EPS15L1: variants seen among roughly 807,000 people sequenced by gnomAD.
EPS15L1 encodes the protein epidermal growth factor receptor substrate 15-like 1.
In EPS15L1, 43 loss-of-function variants were observed where a neutral mutation model predicts 117.1. The ratio of observed to expected loss-of-function variants is 0.37; its 90% CI spans 0.29 to 0.47. EPS15L1 has a LOEUF of 0.47. Ranked by LOEUF, EPS15L1 falls within the 20% of genes least tolerant of loss-of-function variation. The pLI is 0.99. For synonymous variants in EPS15L1, 459 were observed against 470.5 expected, an observed-to-expected ratio of 0.98 and a Z score of 0.32; for missense variants, 981 against 1,164.0, an observed-to-expected ratio of 0.84 and a Z score of 2.29.
intron 16 of EPS15L1, among the ~76,000 whole-genome samples, chr19:16,398,451 G>A (rs998620988): frequency 3.9e-5 from 6 of 152,156 alleles, no homozygotes; most frequent in African/African-American, 9.7e-5. Flanking sequence ...CCCAGCAAGC[G>A]TCTGATGGGG....
At chr19:16,395,270 AGT>A in intron 17 of EPS15L1, 72 bp downstream of exon 17, 1 of 1,402,196 alleles carries the variant, frequency 7.1e-7, no homozygotes, top group Non-Finnish European at 9.8e-7. Context: ...TTACTTTTCT[AGT>A]TGAAGAACCA....
intron 4 of EPS15L1, among the ~76,000 whole-genome samples, chr19:16,439,825 A>T (rs1033139989): frequency 2.6e-5 from 4 of 152,208 alleles, no homozygotes; most frequent in Non-Finnish European, 2.9e-5. Context: ...GGTCCCTTCT[A>T]ACAAAATGGC....
At position 16,413,374 on chromosome 19, in the gene EPS15L1, G is replaced by C. The variant is rs767198544; in HGVS notation, c.1266+399C>G. ...ATCAATGACTGCTACACCTCAGCCAGGGGCTGCACTGCCATCCTGGGCAAC... is the reference window on the plus strand; with the variant it reads ...ATCAATGACTGCTACACCTCAGCCACGGGCTGCACTGCCATCCTGGGCAAC... On this transcript the variant is annotated intron_variant, in intron 13 of 23. Transcript: ENST00000455140. The C allele has an allele frequency of 1.3e-5, 9 of 692,798 alleles. No individual in the cohort carries two copies. In the East Asian group the frequency reaches 2.3e-4, roughly 17 times the overall value. The allele number at this position is 692,798 out of a possible 1,614,324, so 42.9% of individuals were successfully genotyped here. A position where few individuals can be genotyped will look rare whatever the true frequency, so the allele number is the denominator to read the frequency against.
At chr19:16,374,883 G>A (rs960405168) in intron 22 of EPS15L1, among the ~76,000 whole-genome samples, 1 of 152,254 alleles carries the variant, frequency 6.6e-6, no homozygotes, top group Non-Finnish European at 1.5e-5. Context: ...GTGTGTGCAC[G>A]TTTGCATGCA....
Position 16,441,995 on chromosome 19 carries a change from C to A in EPS15L1, c.76-14G>T, listed in dbSNP as rs779610987. ...TGCCGGATCGACCTGAAATGGGAGA[C>A]CAAGAGGCAAAATAACTTTTCAGCA... On this transcript the variant is annotated splice_polypyrimidine_tract_variant and intron_variant, in intron 2 of 23. Transcript: ENST00000455140. 1 of 1,605,554 alleles carries A rather than the reference C, an allele frequency of 6.2e-7. No homozygotes were observed. The highest frequency in any genetic ancestry group is 1.7e-5 in the Admixed American group (1 of 58,248).
rs1200095077 is a variant in EPS15L1 at position 16,365,884 on chromosome 19, T to G, written c.2381-3900A>C. 6.6e-6 allele frequency among the ~76,000 whole-genome samples: 1 copy of G among 152,198 alleles called. No homozygotes were observed. The highest frequency in any genetic ancestry group is 1.5e-5 in the Non-Finnish European group (1 of 68,030). On this transcript the variant is annotated intron_variant, in intron 22 of 23. Coordinates refer to ENST00000455140, the MANE Select transcript of EPS15L1 (RefSeq NM_001258374.3). The surrounding 1 kb of genome is among the most constrained non-coding windows in gnomAD (Gnocchi z 4.9). ...CCCAGGGCTCGGCACACAGTGGGCT[T>G]CAGGAGGTCCTGGTGAACCAGGTGC...
rs2092854536 is a variant in EPS15L1 at position 16,424,953 on chromosome 19, A to T, written c.792+130T>A. 4.6e-6 allele frequency: 4 copies of T among 860,712 alleles called. No individual in the cohort carries two copies. The Admixed American group carries it at 8.0e-5, about 17-fold the overall frequency. The allele number at this position is 860,712 out of a possible 1,614,324, so 53.3% of individuals were successfully genotyped here. On this transcript the variant is annotated intron_variant, in intron 9 of 23. Transcript: ENST00000455140. ...TGGGATTACAGGCGTGAGCCACCGC[A>T]CCTGGCCACAAGCATTTTTTAAAGA...
At position 16,442,324 on chromosome 19, in the gene EPS15L1, T is replaced by TA. The variant is rs1281809702; in HGVS notation, c.34-106dup. The stretch of plus-strand genomic sequence containing the variant: ...CATGACCAAAATATATGATGATAGT[T>TA]AGAGTCAAAATGCATGCACTTTAAA... On this transcript the variant is annotated intron_variant, in intron 1 of 23. Transcript: ENST00000455140. 1.9e-5 allele frequency: 15 copies of TA among 808,732 alleles called. No homozygotes were observed. In the South Asian group the frequency reaches 2.0e-4, roughly 11 times the overall value. The allele number at this position is 808,732 out of a possible 1,614,324, so 50.1% of individuals were successfully genotyped here. A position where few individuals can be genotyped will look rare whatever the true frequency, so the allele number is the denominator to read the frequency against.
intron 1 of EPS15L1, among the ~76,000 whole-genome samples, chr19:16,452,222 G>T (rs1436909898): frequency 6.7e-6 from 1 of 149,400 alleles, no homozygotes; most frequent in Non-Finnish European, 1.5e-5. Flanking sequence ...GAGGTGGGTA[G>T]ATCACCTGAG....
In EPS15L1 at chr19:16,405,540, C is replaced by T. The variant is rs564226545; in HGVS notation, c.1267-791G>A. ...ATACAGCGTGTGCAGAGGTATACAA[C>T]GTCTATGACAGCAAAATCCGTAAAC... On this transcript the variant is annotated intron_variant, in intron 13 of 23. Transcript: ENST00000455140. This position sits in a 1 kb window ranked among gnomAD's most constrained non-coding sequence, Gnocchi z 4.0. Among the ~76,000 whole-genome samples, 85 of 152,328 alleles carry T rather than the reference C, an allele frequency of 5.6e-4. No homozygotes were observed. Among genetic ancestry groups the T allele is most frequent in the Non-Finnish European group, 1.1e-3 (75 of 68,030 alleles).
In EPS15L1 at chr19:16,471,701, C is replaced by A. The variant is rs1484393373; in HGVS notation, c.33+212G>T. Among the ~76,000 whole-genome samples, 5 of 151,930 alleles carry A rather than the reference C, an allele frequency of 3.3e-5. No individual in the cohort carries two copies. Among genetic ancestry groups the A allele is most frequent in the African/African-American group, 9.7e-5 (4 of 41,422 alleles). The stretch of plus-strand genomic sequence containing the variant: ...ACACGCGCTGCGCACCTCCTCGCCT[C>A]GCCGGTGCCCGCGAGGGTCGCTCGG... On this transcript the variant is annotated intron_variant, in intron 1 of 23. Transcript: ENST00000455140. The surrounding 1 kb of genome is among the most constrained non-coding windows in gnomAD (Gnocchi z 4.8).
chr19:16,462,370 G>T (rs1342661960), intron 1 of EPS15L1, among the ~76,000 whole-genome samples: 1 of 152,146 alleles, frequency 6.6e-6, no homozygotes, highest in Admixed American at 6.6e-5. Flanking sequence ...CAGAATCAGG[G>T]AAGTGGGGGG....
intron 21 of EPS15L1, 34 bp downstream of exon 21, chr19:16,385,094 AG>A: frequency 1.3e-6 from 2 of 1,554,802 alleles, no homozygotes; most frequent in East Asian, 4.5e-5. Flanking sequence ...CAAAGACACT[AG>A]CAGAGGCGCG....
At chr19:16,445,050 G>A (rs2145095577) in intron 1 of EPS15L1, among the ~76,000 whole-genome samples, 1 of 152,292 alleles carries the variant, frequency 6.6e-6, no homozygotes. Flanking sequence ...CTCATGGGAA[G>A]CAAGGGAAAG....
At chr19:16,437,684 T>C in intron 5 of EPS15L1, 86 bp downstream of exon 5, 5 of 889,352 alleles carry the variant, frequency 5.6e-6, no homozygotes, top group Non-Finnish European at 9.2e-6. Context: ...AACATGGAAA[T>C]ATACATGCAC....
rs1389903624 is a variant in EPS15L1, at chr19:16,383,568, G to A, written c.2247+1561C>T. The A allele has an allele frequency of 6.6e-6, 1 of 152,364 alleles. No homozygotes were observed. Among genetic ancestry groups the A allele is most frequent in the Non-Finnish European group, 1.5e-5 (1 of 68,128 alleles). 9.4% of individuals were successfully genotyped at this position (152,364 alleles called of 1,614,324 possible). A position where few individuals can be genotyped will look rare whatever the true frequency, so the allele number is the denominator to read the frequency against. ...GTCACAGCGTGGCATATGAGGGATG[G>A]AGGCCTTCTCCGTGTGCTGGAAGGA... is the stretch of plus-strand genomic sequence containing the variant. On this transcript the variant is annotated intron_variant, in intron 21 of 23. Transcript: ENST00000455140. The surrounding 1 kb of genome is among the most constrained non-coding windows in gnomAD (Gnocchi z 5.2).
chr19:16,385,281 A>G, intron 20 of EPS15L1, 70 bp from the exon 21 acceptor site: 6 of 1,284,034 alleles, frequency 4.7e-6, no homozygotes, highest in Non-Finnish European at 6.8e-6. Context: ...GTGGAGGGGA[A>G]ATGCTAGATG....
chr19:16,408,999 A>AT lies in EPS15L1; in HGVS notation c.1267-4251dup, dbSNP rs200099671. 4.3e-4 allele frequency among the ~76,000 whole-genome samples: 66 copies of AT among 152,260 alleles called. No homozygotes were observed. In the East Asian group the frequency reaches 8.7e-3, roughly 20 times the overall value. ...CACTTTGAGAGGCCAGAGTGGGAAG[A>AT]TCCCTAGAGGCCAGGTGTTTGAGAT... On this transcript the variant is annotated intron_variant, in intron 13 of 23. Transcript: ENST00000455140.
At chr19:16,410,353 C>T (rs907284407) in intron 13 of EPS15L1, among the ~76,000 whole-genome samples, 24 of 152,090 alleles carry the variant, frequency 1.6e-4, no homozygotes, top group African/African-American at 4.8e-4. Context: ...GAAGGAAAAA[C>T]GGGAAATGGG....
Sources: gnomAD v4.1 joint callset for allele counts (sites outside exome capture counted in the v4.1 genomes callset) on GRCh38, gnomAD v4.1.1 for gene constraint, Gnocchi (gnomAD v3.1) non-coding constraint, MANE v1.5 for transcripts, NCBI Gene and HGNC (gene_info 2026-07-23, HGNC 2026-07-21) for gene names.